RAB3C: variants seen among roughly 807,000 people sequenced by gnomAD.
RAB3C encodes the protein RAB3C, member RAS oncogene family.
A neutral mutation model predicts 26.4 loss-of-function variants in RAB3C; 17 were observed. The ratio of observed to expected loss-of-function variants is 0.64; its 90% CI spans 0.44 to 0.97. The LOEUF (loss-of-function observed/expected upper bound fraction) is 0.97. Among genes scored for constraint, RAB3C ranks in the 50% least tolerant of loss-of-function variants. RAB3C has a pLI of 0.00. For synonymous variants in RAB3C, 91 were observed against 95.9 expected (o/e 0.95, Z 0.30); for missense variants, 242 against 281.9 (o/e 0.86, Z 1.01).
intron 2 of RAB3C, among the ~76,000 whole-genome samples, chr5:58,703,371 G>C (rs992274439): frequency 6.6e-6 from 1 of 151,942 alleles, no homozygotes; most frequent in African/African-American, 2.4e-5. Flanking sequence ...TTGTAGAGAT[G>C]GGGTTTCTCC....
intron 1 of RAB3C, among the ~76,000 whole-genome samples, chr5:58,603,661 G>T (rs188231097): frequency 1.4e-4 from 21 of 152,142 alleles, no homozygotes; most frequent in East Asian, 3.9e-4. Flanking sequence ...CTGAATTTTT[G>T]ATTGTTTTTT....
intron 3 of RAB3C, among the ~76,000 whole-genome samples, chr5:58,733,150 A>G (rs1231280059): frequency 1.3e-5 from 2 of 152,144 alleles, no homozygotes; most frequent in African/African-American, 2.4e-5. Flanking sequence ...TAGTCTGTTT[A>G]TCTTCCCCAC....
intron 2 of RAB3C, among the ~76,000 whole-genome samples, chr5:58,659,497 T>C (rs1006304876): frequency 3.5e-4 from 53 of 152,332 alleles, no homozygotes; most frequent in African/African-American, 1.2e-3. Context: ...ATCACTCATT[T>C]GCCAATGAAA....
At chr5:58,666,280 G>A (rs932714208) in intron 2 of RAB3C, among the ~76,000 whole-genome samples, 1 of 152,120 alleles carries the variant, frequency 6.6e-6, no homozygotes, top group Non-Finnish European at 1.5e-5. Flanking sequence ...AGTCAGCTGT[G>A]CTTTATTTGA....
At chr5:58,584,634 T>C (rs1011428232) in intron 1 of RAB3C, among the ~76,000 whole-genome samples, 1 of 152,188 alleles carries the variant, frequency 6.6e-6, no homozygotes, top group Non-Finnish European at 1.5e-5. Context: ...ACACTAATTG[T>C]AGACTTTAAA....
intron 2 of RAB3C, among the ~76,000 whole-genome samples, chr5:58,725,277 A>G (rs176807): frequency 0.55 from 82,620 of 151,574 alleles, 22,940 homozygotes; most frequent in Non-Finnish European, 0.6. Context: ...TATGGTTTTC[A>G]TTGAGAAGCC....
chr5:58,778,892 C>T (rs1281001519), intron 3 of RAB3C, among the ~76,000 whole-genome samples: 1 of 152,146 alleles, frequency 6.6e-6, no homozygotes, highest in Non-Finnish European at 1.5e-5. Flanking sequence ...ATCACCTTCA[C>T]TTCTAAGCCT....
intron 2 of RAB3C, among the ~76,000 whole-genome samples, chr5:58,624,116 A>G (rs929865657): frequency 5.9e-5 from 9 of 152,162 alleles, no homozygotes; most frequent in African/African-American, 1.7e-4. Context: ...TGAATCCAAT[A>G]CTTGTTGGTG....
intron 3 of RAB3C, chr5:58,784,757 C>A (rs972616295): frequency 6.6e-6 from 1 of 152,330 alleles, no homozygotes; most frequent in South Asian, 2.1e-4. Context: ...CATCACCATG[C>A]TTGAAAAGAG....
chr5:58,813,301 T>C (rs1363031366), intron 3 of RAB3C, among the ~76,000 whole-genome samples: 1 of 152,082 alleles, frequency 6.6e-6, no homozygotes, highest in East Asian at 1.9e-4. Context: ...TGACTCCCAC[T>C]AGAGTGACCA....
chr5:58,781,265 A>G (rs1047644751), intron 3 of RAB3C, among the ~76,000 whole-genome samples: 7 of 152,178 alleles, frequency 4.6e-5, no homozygotes, highest in African/African-American at 7.2e-5. Flanking sequence ...TGGGTGAGAG[A>G]ATGATCTGCT....
chr5:58,660,534 C>A (rs961273641), intron 2 of RAB3C, among the ~76,000 whole-genome samples: 2 of 150,128 alleles, frequency 1.3e-5, no homozygotes, highest in Non-Finnish European at 2.9e-5. Context: ...TTTTTAAGAA[C>A]AAAAATTTGG....
chr5:58,750,706 A>G (rs1168382720), intron 3 of RAB3C, among the ~76,000 whole-genome samples: 1 of 152,200 alleles, frequency 6.6e-6, no homozygotes, highest in East Asian at 1.9e-4. Flanking sequence ...GAGTTGTATT[A>G]ATCAGATTGC....
Position 58,816,471 on chromosome 5 carries a change from A to G in RAB3C, c.372-8567A>G, listed in dbSNP as rs1743219938. Among the ~76,000 whole-genome samples, 4 of 152,232 alleles carry G rather than the reference A, an allele frequency of 2.6e-5. 1 individual carries two copies. The highest frequency in any genetic ancestry group is 2.6e-4 in the Admixed American group (4 of 15,278). On this transcript the variant is annotated intron_variant, in intron 3 of 4. Transcript: ENST00000282878. ...CCTTTCATATTTTACCTTCCCTGAC[A>G]GGGGGAGTGACCTTCCGTTGCTTTC... is the stretch of plus-strand genomic sequence containing the variant.
At chr5:58,812,600 T>C (rs1317560987) in intron 3 of RAB3C, among the ~76,000 whole-genome samples, 1 of 152,216 alleles carries the variant, frequency 6.6e-6, no homozygotes, top group African/African-American at 2.4e-5. Context: ...AGAGACCATA[T>C]CTTTCTTCAT....
chr5:58,624,133 G>C (rs1181631160), intron 2 of RAB3C, among the ~76,000 whole-genome samples: 1 of 152,152 alleles, frequency 6.6e-6, no homozygotes. Context: ...GGTGCCTACT[G>C]TGTGCCAGGC....
chr5:58,791,323 G>A (rs377068610), intron 3 of RAB3C, among the ~76,000 whole-genome samples: 24 of 152,242 alleles, frequency 1.6e-4, no homozygotes, highest in South Asian at 6.2e-4. Flanking sequence ...GAGAGTTGGC[G>A]TGCTCAAACC....
chr5:58,784,073 G>A (rs558734208), intron 3 of RAB3C, among the ~76,000 whole-genome samples: 128 of 152,280 alleles, frequency 8.4e-4, no homozygotes, highest in African/African-American at 2.9e-3. Context: ...AGGATGCATA[G>A]AATCCAGAGT....
At position 58,829,768 on chromosome 5, in the gene RAB3C, G is replaced by A. The variant is rs562871509; in HGVS notation, c.496+4606G>A. 7.2e-5 allele frequency among the ~76,000 whole-genome samples: 11 copies of A among 152,124 alleles called. No homozygotes were observed. In the South Asian group the frequency reaches 8.3e-4, roughly 11 times the overall value. On this transcript the variant is annotated intron_variant, in intron 4 of 4. Transcript: ENST00000282878. Reference sequence around the variant, plus strand: ...TTACCAAATTCCAGATTCATCCCCTGTACCCTTCCTTCTTGTCCAGCACTG... The same window carrying A: ...TTACCAAATTCCAGATTCATCCCCTATACCCTTCCTTCTTGTCCAGCACTG...
Sources: gnomAD v4.1 joint callset for allele counts (sites outside exome capture counted in the v4.1 genomes callset) on GRCh38, gnomAD v4.1.1 for gene constraint, MANE v1.5 for transcripts, NCBI Gene and HGNC (gene_info 2026-07-23, HGNC 2026-07-21) for gene names.